Variants in RFX1 observed in about 807,000 individuals in gnomAD.
RFX1 encodes the protein MHC class II regulatory factor RFX1.
RFX1 carries 42 observed loss-of-function variants against 119.6 expected under a neutral mutation model. That is an observed-to-expected ratio of 0.35 (90% CI 0.27 to 0.45). The LOEUF (loss-of-function observed/expected upper bound fraction) is 0.45. Among genes scored for constraint, RFX1 ranks in the 20% least tolerant of loss-of-function variants. The pLI is 1.00. For synonymous variants in RFX1, 628 were observed against 618.5 expected, an observed-to-expected ratio of 1.02 and a Z score of -0.23; for missense variants, 1,118 against 1,368.1, an observed-to-expected ratio of 0.82 and a Z score of 2.88.
rs1393290467 is a variant in RFX1, at chr19:13,969,460, C to A, written c.1496+534G>T. Among the ~76,000 whole-genome samples the A allele has an allele frequency of 2.0e-5, 3 of 152,228 alleles. No homozygotes were observed. In the East Asian group the frequency reaches 5.8e-4, roughly 29 times the overall value. ...TTGAGGACAGGAGTTCAAGACCAGCCTGGCCAACATAGCAAAGCCCTGTCT... is the reference window on the plus strand; with the variant it reads ...TTGAGGACAGGAGTTCAAGACCAGCATGGCCAACATAGCAAAGCCCTGTCT... On this transcript the variant is annotated intron_variant, in intron 10 of 20. Coordinates refer to ENST00000254325, the MANE Select transcript of RFX1 (RefSeq NM_002918.5). This position sits in a 1 kb window ranked among gnomAD's most constrained non-coding sequence, Gnocchi z 4.5.
At position 13,975,361 on chromosome 19, in the gene RFX1, C is replaced by CAA. The variant is rs59604119; in HGVS notation, c.930-2236_930-2235dup. On this transcript the variant is annotated intron_variant, in intron 8 of 20. Transcript: ENST00000254325. ...GTGCAACAAGAGGGAAACTCTATCT[C>CAA]AAAAAAAAAAAAAAAAATTAAACAT... Among the ~76,000 whole-genome samples, 174 of 120,344 alleles carry CAA rather than the reference C, an allele frequency of 1.4e-3. 1 individual carries two copies. Among genetic ancestry groups the CAA allele is most frequent in the African/African-American group, 4.5e-3 (146 of 32,486 alleles). 79.0% of individuals were successfully genotyped at this position (120,344 alleles called of 152,430 possible).
chr19:13,984,009 G>A (rs751248436), intron 2 of RFX1, among the ~76,000 whole-genome samples: 1 of 152,064 alleles, frequency 6.6e-6, no homozygotes, highest in Non-Finnish European at 1.5e-5. Context: ...CCTTCTCTGG[G>A]GTGACCCTGG....
At chr19:13,984,456 AG>A (rs1477547860) in intron 2 of RFX1, among the ~76,000 whole-genome samples, 1 of 152,052 alleles carries the variant, frequency 6.6e-6, no homozygotes, top group Non-Finnish European at 1.5e-5. Flanking sequence ...GTGAGGAGGG[AG>A]GTTGGTACCC....
At chr19:14,003,278 C>T (rs1035151951) in intron 1 of RFX1, among the ~76,000 whole-genome samples, 5 of 151,946 alleles carry the variant, frequency 3.3e-5, no homozygotes, top group Admixed American at 2.0e-4. Context: ...CCAAATTGAG[C>T]CACTGTGCCC....
chr19:13,992,348 G>A (rs908536727), intron 2 of RFX1, among the ~76,000 whole-genome samples: 9 of 152,162 alleles, frequency 5.9e-5, no homozygotes, highest in East Asian at 5.8e-4. Context: ...TGAGTCAGTC[G>A]AGACAGAGAC....
intron 12 of RFX1, among the ~76,000 whole-genome samples, chr19:13,967,241 C>T (rs73924057): frequency 2.6e-4 from 39 of 152,290 alleles, no homozygotes; most frequent in Middle Eastern, 3.4e-3. Flanking sequence ...TGAGCTCCCA[C>T]GTGCTCAGGA....
rs1974553161 is a variant in RFX1 at position 13,985,168 on chromosome 19, A to G, written c.320-1573T>C. On this transcript the variant is annotated intron_variant, in intron 2 of 20. Transcript: ENST00000254325. This position sits in a 1 kb window ranked among gnomAD's most constrained non-coding sequence, Gnocchi z 4.3. ...TGAGCCACTGTGCCTGGCTGACAGT[A>G]AGAGCTTTCCGGGATTTTTTTTTTT... Among the ~76,000 whole-genome samples, 1 of 151,466 alleles carries G rather than the reference A, an allele frequency of 6.6e-6. No homozygotes were observed. Among genetic ancestry groups the G allele is most frequent in the African/African-American group, 2.4e-5 (1 of 41,126 alleles).
rs982000196 is a variant in RFX1 at position 13,991,468 on chromosome 19, G to A, written c.319+2057C>T. Among the ~76,000 whole-genome samples, 16 of 152,274 alleles carry A rather than the reference G, an allele frequency of 1.1e-4. No individual in the cohort carries two copies. The East Asian group carries it at 2.9e-3, about 28-fold the overall frequency. ...CTACACAGGCGGGGGGGCACTAAGT[G>A]TGGCGCTCATGCGGACACCTCCACT... On this transcript the variant is annotated intron_variant, in intron 2 of 20. Transcript: ENST00000254325.
At chr19:13,973,980 G>A (rs1029898065) in intron 8 of RFX1, among the ~76,000 whole-genome samples, 9 of 152,006 alleles carry the variant, frequency 5.9e-5, no homozygotes, top group Admixed American at 1.3e-4. Flanking sequence ...AAGGGTTAGG[G>A]AACTTGGAAT....
chr19:14,004,858 G>T (rs1452568882), intron 1 of RFX1, among the ~76,000 whole-genome samples: 1 of 152,012 alleles, frequency 6.6e-6, no homozygotes, highest in Non-Finnish European at 1.5e-5. Context: ...ATTCCTCCCC[G>T]AGCTGGCAGG....
chr19:13,973,017 G>C lies in RFX1; in HGVS notation c.1040C>G (p.Ser347Cys). ...TATQVSTPAT[S>C]QAVASSGSMP... ...GGAGCCACTGCTGGCCACCGCCTGG[G>C]AGGTGGCGGGGGTGCTGACCTGGGT... Residue 347 changes from serine (S) to cysteine (C), a missense_variant, in exon 9 of 21, where the codon TCC (serine) becomes TGC (cysteine). Coordinates refer to ENST00000254325, the MANE Select transcript of RFX1 (RefSeq NM_002918.5). 1 of 1,601,180 alleles carries C rather than the reference G, an allele frequency of 6.2e-7. No individual in the cohort carries two copies. The highest frequency in any genetic ancestry group is 1.1e-5 in the South Asian group (1 of 91,048).
Position 13,983,209 on chromosome 19 carries a change from G to A in RFX1, c.491C>T (p.Thr164Ile). ...KPGHVSPLQL[T>I]NIQVPQQALP... ...TACCTGCTGGGGCACTTGGATGTTG[G>A]TCAGCTGGAGGGGCGACACGTGGCC... The change falls in exon 4 of 21, where the codon ACC becomes ATC. Residue 164 changes from threonine to isoleucine, a missense_variant. Transcript: ENST00000254325. The A allele has an allele frequency of 6.3e-7, 1 of 1,578,436 alleles. No homozygotes were observed. Among genetic ancestry groups the A allele is most frequent in the Non-Finnish European group, 8.6e-7 (1 of 1,166,182 alleles).
At position 13,980,760 on chromosome 19, in the gene RFX1, A is replaced by G; in HGVS notation, c.622-71T>C. On this transcript the variant is annotated intron_variant, in intron 5 of 20. Transcript: ENST00000254325. The surrounding 1 kb of genome is among the most constrained non-coding windows in gnomAD (Gnocchi z 5.1). ...TCCTCTCTGAGGTGGGCTCACACAC[A>G]CACCCTTCTCAGGAGAGCTGTCTGG... 1.7e-4 allele frequency: 33 copies of G among 197,308 alleles called. No homozygotes were observed. Among genetic ancestry groups the G allele is most frequent in the Admixed American group, 3.3e-4 (4 of 11,974 alleles). 12.2% of individuals were successfully genotyped at this position (197,308 alleles called of 1,614,324 possible). A position where few individuals can be genotyped will look rare whatever the true frequency, so the allele number is the denominator to read the frequency against.
intron 1 of RFX1, among the ~76,000 whole-genome samples, chr19:13,996,523 C>T (rs1230018293): frequency 1.3e-5 from 2 of 152,174 alleles, no homozygotes; most frequent in African/African-American, 4.8e-5. Flanking sequence ...CCACTGAGGT[C>T]ACCTCCTCCT....
At position 13,966,625 on chromosome 19, in the gene RFX1, C is replaced by T; in HGVS notation, c.1851+8G>A. On this transcript the variant is annotated splice_region_variant and intron_variant, in intron 13 of 20. Coordinates refer to ENST00000254325, the MANE Select transcript of RFX1 (RefSeq NM_002918.5). This position sits in a 1 kb window ranked among gnomAD's most constrained non-coding sequence, Gnocchi z 6.3. ...CCGTCCACTTGCCTGCCCACCTGGC[C>T]ACCCTACCTCACAGTGTTCCCGGTA... 1 of 1,576,106 alleles carries T rather than the reference C, an allele frequency of 6.3e-7. No homozygotes were observed. The highest frequency in any genetic ancestry group is 8.6e-7 in the Non-Finnish European group (1 of 1,156,690).
intron 1 of RFX1, among the ~76,000 whole-genome samples, chr19:14,001,867 G>A (rs1436077521): frequency 6.6e-6 from 1 of 152,218 alleles, no homozygotes; most frequent in East Asian, 1.9e-4. Context: ...CTGCTGCGGT[G>A]GCTCACACCT....
At position 13,966,345 on chromosome 19, in the gene RFX1, C is replaced by G; in HGVS notation, c.1961+76G>C. 4.3e-6 allele frequency: 4 copies of G among 926,906 alleles called. No homozygotes were observed. The highest frequency in any genetic ancestry group is 6.9e-6 in the Non-Finnish European group (4 of 578,152). The allele number at this position is 926,906 out of a possible 1,614,324, so 57.4% of individuals were successfully genotyped here. On this transcript the variant is annotated intron_variant, in intron 14 of 20. Transcript: ENST00000254325. The surrounding 1 kb of genome is among the most constrained non-coding windows in gnomAD (Gnocchi z 6.3). ...TGCAGGGGACAAGCAGGTGCCCCAACCCTGGCCATCAAAATCACCTGCGGG... is the reference window on the plus strand; with the variant it reads ...TGCAGGGGACAAGCAGGTGCCCCAAGCCTGGCCATCAAAATCACCTGCGGG...
Position 13,993,554 on chromosome 19 carries a change from G to A in RFX1, c.290C>T (p.Pro97Leu). 1 of 1,613,090 alleles carries A rather than the reference G, an allele frequency of 6.2e-7. No individual in the cohort carries two copies. Among genetic ancestry groups the A allele is most frequent in the Non-Finnish European group, 8.5e-7 (1 of 1,179,626 alleles). The change falls in exon 2 of 21, where the codon CCC becomes CTC. Residue 97 changes from proline to leucine, a missense_variant. Physicochemically the swap from Pro to Leu is moderately conservative, Grantham distance 98 (BLOSUM62 -3). Transcript: ENST00000254325. ...PTGAPTPSPA[P>L]QQYIVVTVSE... The stretch of plus-strand genomic sequence containing the variant: ...GACAGTGACCACGATGTACTGCTGG[G>A]GTGCAGGCGAAGGGGTGGGTGCACC...
intron 2 of RFX1, among the ~76,000 whole-genome samples, chr19:13,991,868 G>T (rs1303263030): frequency 6.6e-6 from 1 of 151,920 alleles, no homozygotes; most frequent in Non-Finnish European, 1.5e-5. Flanking sequence ...CACCATGTTG[G>T]CCAGGCTGGT....
Sources: gnomAD v4.1 joint callset for allele counts (sites outside exome capture counted in the v4.1 genomes callset) on GRCh38, gnomAD v4.1.1 for gene constraint, Gnocchi (gnomAD v3.1) non-coding constraint, MANE v1.5 for transcripts, NCBI Gene and HGNC (gene_info 2026-07-23, HGNC 2026-07-21) for gene names.